The following PLOD2 variants were observed in gnomAD, a reference collection of about 807,000 sequenced individuals.
The protein encoded by PLOD2 is procollagen-lysine,2-oxoglutarate 5-dioxygenase 2.
PLOD2 carries 65 observed loss-of-function variants against 101.0 expected under a neutral mutation model. That is an observed-to-expected ratio of 0.64 (90% CI 0.53 to 0.79). The LOEUF (loss-of-function observed/expected upper bound fraction) is 0.79, where lower values mean the gene tolerates loss of function less well. Among genes scored for constraint, PLOD2 ranks in the 30% least tolerant of loss-of-function variants. The pLI is 0.00. For missense variants in PLOD2, 909 were observed against 914.6 expected, an observed-to-expected ratio of 0.99 and a Z score of 0.08; for synonymous variants, 314 against 302.9, an observed-to-expected ratio of 1.04 and a Z score of -0.38.
intron 7 of PLOD2, among the ~76,000 whole-genome samples, chr3:146,096,886 G>T (rs1312718410): frequency 7.5e-6 from 1 of 132,650 alleles, no homozygotes; most frequent in African/African-American, 3.0e-5. Context: ...GAGGTGGGGG[G>T]GGGGAGTCGG....
intron 1 of PLOD2, among the ~76,000 whole-genome samples, chr3:146,154,886 T>G (rs2108147261): frequency 6.6e-6 from 1 of 152,290 alleles, no homozygotes; most frequent in South Asian, 2.1e-4. Context: ...AAATTAAAAT[T>G]AACAAAAGTA....
chr3:146,121,730 C>T (rs1245326230), intron 2 of PLOD2, among the ~76,000 whole-genome samples: 1 of 152,088 alleles, frequency 6.6e-6, no homozygotes, highest in Non-Finnish European at 1.5e-5. Flanking sequence ...AAAAAATCAC[C>T]TTCTTTACCT....
Position 146,086,872 on chromosome 3 carries a change from C to CA in PLOD2, c.1041dup (p.Asp348Ter). 6.6e-7 allele frequency: 1 copy of CA among 1,523,606 alleles called. No individual in the cohort carries two copies. Among genetic ancestry groups the CA allele is most frequent in the Non-Finnish European group, 9.0e-7 (1 of 1,112,470 alleles). 94.4% of individuals were successfully genotyped at this position (1,523,606 alleles called of 1,614,324 possible). A position where few individuals can be genotyped will look rare whatever the true frequency, so the allele number is the denominator to read the frequency against. On this transcript the variant is annotated frameshift_variant, in exon 10 of 20. Transcript: ENST00000282903. LOFTEE classifies it high-confidence loss of function. Reference sequence around the variant, plus strand: ...GTTTTGATTTCATGCTTAGCTTTATCAAAAAATACCTTGATGTCCTTTTCA... The same window carrying CA: ...GTTTTGATTTCATGCTTAGCTTTATCAAAAAAATACCTTGATGTCCTTTTCA...
intron 8 of PLOD2, among the ~76,000 whole-genome samples, chr3:146,089,256 A>T: frequency 6.6e-6 from 1 of 151,506 alleles, no homozygotes; most frequent in Non-Finnish European, 1.5e-5. Flanking sequence ...ATCTTATCTT[A>T]ATGTATATAT....
intron 3 of PLOD2, among the ~76,000 whole-genome samples, chr3:146,110,998 C>T (rs954532660): frequency 6.6e-6 from 1 of 151,886 alleles, no homozygotes; most frequent in African/African-American, 2.4e-5. Context: ...AAGCTCAATA[C>T]ACTTGGGAGA....
chr3:146,138,617 C>T (rs1469443074), intron 1 of PLOD2, among the ~76,000 whole-genome samples: 1 of 151,936 alleles, frequency 6.6e-6, no homozygotes. Flanking sequence ...AGCAGGCATC[C>T]AGAATGGCCA....
chr3:146,151,218 C>T (rs2108141036), intron 1 of PLOD2, among the ~76,000 whole-genome samples: 1 of 152,294 alleles, frequency 6.6e-6, no homozygotes, highest in South Asian at 2.1e-4. Context: ...GAGACATTGG[C>T]CAAGCACGGT....
intron 1 of PLOD2, among the ~76,000 whole-genome samples, chr3:146,143,875 C>T (rs2031647237): frequency 6.6e-6 from 1 of 152,078 alleles, no homozygotes; most frequent in Non-Finnish European, 1.5e-5. Context: ...GTCCACACTC[C>T]AAGTACCTAA....
chr3:146,153,632 T>C (rs1306868070), intron 1 of PLOD2, among the ~76,000 whole-genome samples: 2 of 152,128 alleles, frequency 1.3e-5, no homozygotes, highest in Admixed American at 6.5e-5. Flanking sequence ...AAAGCCAAGG[T>C]TGCCAAAATC....
At chr3:146,123,638 C>T (rs1186585999) in intron 2 of PLOD2, among the ~76,000 whole-genome samples, 1 of 151,942 alleles carries the variant, frequency 6.6e-6, no homozygotes, top group Non-Finnish European at 1.5e-5. Flanking sequence ...AAACCCATTA[C>T]AGAAAAAATT....
intron 1 of PLOD2, among the ~76,000 whole-genome samples, chr3:146,148,602 T>C (rs1559873149): frequency 6.6e-6 from 1 of 152,184 alleles, no homozygotes; most frequent in Non-Finnish European, 1.5e-5. Context: ...TTTAAAAACA[T>C]CATCCTCAAA....
intron 4 of PLOD2, among the ~76,000 whole-genome samples, chr3:146,109,595 C>A (rs935023206): frequency 6.6e-5 from 10 of 152,174 alleles, no homozygotes; most frequent in Non-Finnish European, 8.8e-5. Flanking sequence ...CTAACATGTC[C>A]TTCATCCTAT....
chr3:146,160,612 A>C (rs2032526870), intron 1 of PLOD2, among the ~76,000 whole-genome samples: 10 of 152,124 alleles, frequency 6.6e-5, no homozygotes, highest in Admixed American at 6.5e-4. Flanking sequence ...GCAAGTCCAA[A>C]AGGAAACTCC....
intron 6 of PLOD2, among the ~76,000 whole-genome samples, chr3:146,103,781 T>C (rs1165873477): frequency 6.6e-6 from 1 of 151,716 alleles, no homozygotes; most frequent in African/African-American, 2.4e-5. Flanking sequence ...TCAAGATATA[T>C]GTATCTATAA....
intron 3 of PLOD2, among the ~76,000 whole-genome samples, chr3:146,116,514 A>G (rs1478429777): frequency 3.9e-5 from 6 of 152,190 alleles, no homozygotes; most frequent in Admixed American, 6.5e-5. Context: ...GAAAATAAGT[A>G]TATCAATGGG....
At chr3:146,113,181 A>G (rs1407619504) in intron 3 of PLOD2, among the ~76,000 whole-genome samples, 6 of 152,176 alleles carry the variant, frequency 3.9e-5, no homozygotes, top group African/African-American at 1.4e-4. Flanking sequence ...TTATAACAAA[A>G]CACAATTATT....
chr3:146,086,905 C>T lies in PLOD2; in HGVS notation c.1009G>A (p.Val337Ile), dbSNP rs1576582021. The change falls in exon 10 of 20, where the codon GTT (valine) becomes ATT (isoleucine). Residue 337 changes from valine to isoleucine, a missense_variant. Physicochemically the swap from Val to Ile is conservative, Grantham distance 29. Coordinates refer to ENST00000282903, the MANE Select transcript of PLOD2 (RefSeq NM_182943.3). ...ALKLFIHNKE[V>I]YHEKDIKVFF... ...ACCTTGATGTCCTTTTCATGATAAA[C>T]TTCCTGTAACATATTTTAAAAATCA... 14 of 1,490,578 alleles carry T rather than the reference C, an allele frequency of 9.4e-6. No individual in the cohort carries two copies. The highest frequency in any genetic ancestry group is 1.2e-5 in the Non-Finnish European group (13 of 1,081,590). The allele number at this position is 1,490,578 out of a possible 1,614,324, so 92.3% of individuals were successfully genotyped here.
chr3:146,086,875 A>G lies in PLOD2; in HGVS notation c.1039T>C (p.Phe347Leu), dbSNP rs1936796250. 2.6e-6 allele frequency: 4 copies of G among 1,525,664 alleles called. No homozygotes were observed. The African/African-American group carries it at 4.1e-5, about 16-fold the overall frequency. The allele number at this position is 1,525,664 out of a possible 1,614,324, so 94.5% of individuals were successfully genotyped here. ...VYHEKDIKVF[F>L]DKAKHEIKTI... Reference sequence around the variant, plus strand: ...TTGATTTCATGCTTAGCTTTATCAAAAAATACCTTGATGTCCTTTTCATGA... The same window carrying G: ...TTGATTTCATGCTTAGCTTTATCAAGAAATACCTTGATGTCCTTTTCATGA... Residue 347 changes from phenylalanine (F) to leucine (L), a missense_variant, in exon 10 of 20, where the codon TTT becomes CTT. Physicochemically the swap from Phe to Leu is conservative, Grantham distance 22. Transcript: ENST00000282903.
At chr3:146,144,144 C>G (rs1304891839) in intron 1 of PLOD2, among the ~76,000 whole-genome samples, 1 of 152,134 alleles carries the variant, frequency 6.6e-6, no homozygotes, top group African/African-American at 2.4e-5. Context: ...CCTAATCACT[C>G]TAATCTCATT....
Sources: gnomAD v4.1 joint callset for allele counts (sites outside exome capture counted in the v4.1 genomes callset) on GRCh38, gnomAD v4.1.1 for gene constraint, MANE v1.5 for transcripts, NCBI Gene and HGNC (gene_info 2026-07-23, HGNC 2026-07-21) for gene names.